SCARB1: variants seen among roughly 807,000 people sequenced by gnomAD.
SCARB1 encodes the protein scavenger receptor class B member 1.
SCARB1 carries 30 observed loss-of-function variants against 57.2 expected under a neutral mutation model. The observed-to-expected ratio is 0.52, with a 90% confidence interval of 0.39 to 0.71. SCARB1 has a LOEUF of 0.71. Among genes scored for constraint, SCARB1 ranks in the 30% least tolerant of loss-of-function variants. The probability of loss-of-function intolerance (pLI) is 0.00; values close to 1 mark genes in which losing one functional copy is unlikely to be tolerated. For synonymous variants in SCARB1, 249 were observed against 268.3 expected (o/e 0.93, Z 0.70); for missense variants, 543 against 671.2 (o/e 0.81, Z 2.11).
At chr12:124,783,077 G>A in intron 11 of SCARB1, 1 of 456,060 alleles carries the variant, frequency 2.2e-6, no homozygotes, top group Non-Finnish European at 4.0e-6. Flanking sequence ...AGCCAGCGAG[G>A]AAGCAAGGTG....
At chr12:124,831,643 G>A (rs75103742) in intron 1 of SCARB1, among the ~76,000 whole-genome samples, 1 of 152,024 alleles carries the variant, frequency 6.6e-6, no homozygotes, top group Non-Finnish European at 1.5e-5. Context: ...CAGCAAAGGG[G>A]CTCTGTCCAC....
rs117345164 is a variant in SCARB1, at chr12:124,779,508, C to T, written c.*1-922G>A. On this transcript the variant is annotated intron_variant, in intron 12 of 12. Coordinates refer to ENST00000261693, the MANE Select transcript of SCARB1 (RefSeq NM_005505.5). ...AGGGGGACGAGGGCCACCCAGGGAA[C>T]GAGTGAAACCAAGGGCATGAGATGC... Among the ~76,000 whole-genome samples, 13 of 152,230 alleles carry T rather than the reference C, an allele frequency of 8.5e-5. No homozygotes were observed. The East Asian group carries it at 1.9e-3, about 23-fold the overall frequency.
chr12:124,861,443 T>C (rs945666806), intron 1 of SCARB1, among the ~76,000 whole-genome samples: 9 of 152,012 alleles, frequency 5.9e-5, no homozygotes, highest in Non-Finnish European at 8.8e-5. Context: ...GAGGGCCAAC[T>C]GTAGGGACTT....
rs188990211 is a variant in SCARB1, at chr12:124,823,602, G to A, written c.127-5895C>T. Among the ~76,000 whole-genome samples, 198 of 152,268 alleles carry A rather than the reference G, an allele frequency of 1.3e-3. 3 individuals carry two copies. The highest frequency in any genetic ancestry group is 7.7e-4 in the East Asian group (4 of 5,186). ...TCAAACGATCAAACGCAAAGTTACC[G>A]TATGACCCTGCAACTCCACTCCCCA... On this transcript the variant is annotated intron_variant, in intron 1 of 12. Coordinates refer to ENST00000261693, the MANE Select transcript of SCARB1 (RefSeq NM_005505.5).
At chr12:124,845,087 G>A (rs1952086927) in intron 1 of SCARB1, among the ~76,000 whole-genome samples, 1 of 152,132 alleles carries the variant, frequency 6.6e-6, no homozygotes, top group Non-Finnish European at 1.5e-5. Flanking sequence ...GATGGGCGCA[G>A]GGGCAGGGCG....
intron 1 of SCARB1, among the ~76,000 whole-genome samples, chr12:124,831,780 T>C (rs781724041): frequency 2.0e-5 from 3 of 152,228 alleles, no homozygotes; most frequent in Non-Finnish European, 4.4e-5. Flanking sequence ...GGACAGGTCA[T>C]GTTGACATAA....
intron 4 of SCARB1, among the ~76,000 whole-genome samples, chr12:124,813,319 G>A (rs1275958367): frequency 6.6e-6 from 1 of 152,184 alleles, no homozygotes; most frequent in African/African-American, 2.4e-5. Flanking sequence ...TGCCTGGAAT[G>A]TGATGTGATT....
chr12:124,863,824 C>G lies in SCARB1; in HGVS notation c.-104G>C. 1 of 1,315,444 alleles carries G rather than the reference C, an allele frequency of 7.6e-7. No homozygotes were observed. The highest frequency in any genetic ancestry group is 9.8e-7 in the Non-Finnish European group (1 of 1,022,760). The allele number at this position is 1,315,444 out of a possible 1,614,324, so 81.5% of individuals were successfully genotyped here. ...CAGGCGGGGACTCCGGGCACGCAGGCCGCAGAGGCACGGTGGATCCGGGAC... is the reference window on the plus strand; with the variant it reads ...CAGGCGGGGACTCCGGGCACGCAGGGCGCAGAGGCACGGTGGATCCGGGAC... On this transcript the variant is annotated 5_prime_UTR_variant, in exon 1 of 13. Coordinates refer to ENST00000261693, the MANE Select transcript of SCARB1 (RefSeq NM_005505.5).
chr12:124,829,832 C>T (rs1168881579), intron 1 of SCARB1, among the ~76,000 whole-genome samples: 1 of 152,192 alleles, frequency 6.6e-6, no homozygotes, highest in Non-Finnish European at 1.5e-5. Context: ...GATGAAAATA[C>T]CATTCTTCCT....
chr12:124,848,790 G>GA (rs1228815338), intron 1 of SCARB1, among the ~76,000 whole-genome samples: 4 of 152,208 alleles, frequency 2.6e-5, no homozygotes, highest in Non-Finnish European at 4.4e-5. Context: ...ATCATCACCA[G>GA]AAAATCCCAG....
chr12:124,791,908 C>T (rs967380248), intron 9 of SCARB1, among the ~76,000 whole-genome samples: 1 of 151,590 alleles, frequency 6.6e-6, no homozygotes, highest in Admixed American at 6.6e-5. Context: ...GAGCCGAAAT[C>T]GCGCCATTGT....
At chr12:124,803,661 C>T in intron 7 of SCARB1, among the ~76,000 whole-genome samples, 1 of 136,056 alleles carries the variant, frequency 7.3e-6, no homozygotes, top group African/African-American at 2.8e-5. Flanking sequence ...AAACTAAGCC[C>T]GGGCAAGACG....
chr12:124,843,202 C>T (rs777315493), intron 1 of SCARB1, among the ~76,000 whole-genome samples: 2 of 151,882 alleles, frequency 1.3e-5, no homozygotes, highest in Non-Finnish European at 2.9e-5. Context: ...AAGAGCTGGG[C>T]ACACCCAGGG....
In SCARB1 at chr12:124,801,796, A is replaced by G. The variant is rs182048245; in HGVS notation, c.1010-1554T>C. Reference sequence around the variant, plus strand: ...AGTTTTCGGAGGTTGCAGTAAGCCAAGATTGCACCAATGCACTCCAGCCTC... The same window carrying G: ...AGTTTTCGGAGGTTGCAGTAAGCCAGGATTGCACCAATGCACTCCAGCCTC... On this transcript the variant is annotated intron_variant, in intron 7 of 12. Transcript: ENST00000261693. 1.9e-4 allele frequency among the ~76,000 whole-genome samples: 29 copies of G among 152,248 alleles called. No individual in the cohort carries two copies. In the East Asian group the frequency reaches 4.2e-3, roughly 22 times the overall value.
chr12:124,843,802 G>A (rs1227020513), intron 1 of SCARB1, among the ~76,000 whole-genome samples: 3 of 152,162 alleles, frequency 2.0e-5, no homozygotes, highest in South Asian at 4.1e-4. Context: ...AAATCTCTGA[G>A]CCTCAGACCC....
chr12:124,825,020 C>G (rs1403576948), intron 1 of SCARB1, among the ~76,000 whole-genome samples: 1 of 151,466 alleles, frequency 6.6e-6, no homozygotes, highest in Non-Finnish European at 1.5e-5. Flanking sequence ...GTCAGGAGAT[C>G]GAGATCATCC....
rs838889 is a variant in SCARB1, at chr12:124,782,540, A to G, written c.*143T>C. 2.2e-3 allele frequency: 1,874 copies of G among 837,876 alleles called. 17 individuals are homozygous for G. In the African/African-American group the frequency reaches 0.025, roughly 11 times the overall value. 51.9% of individuals were successfully genotyped at this position (837,876 alleles called of 1,614,324 possible). Reference sequence around the variant, plus strand: ...GGCAGTTTCTCCAAAAGCAAAATACACAAATATGCATCTTCAGTCTGTAGA... The same window carrying G: ...GGCAGTTTCTCCAAAAGCAAAATACGCAAATATGCATCTTCAGTCTGTAGA... On this transcript the variant is annotated intron_variant, in intron 12 of 12. Transcript: ENST00000261693.
At chr12:124,833,803 G>A (rs563372624) in intron 1 of SCARB1, among the ~76,000 whole-genome samples, 49 of 152,330 alleles carry the variant, frequency 3.2e-4, no homozygotes, top group African/African-American at 8.7e-4. Flanking sequence ...GAAGCTCCAC[G>A]CCCAGGATGC....
chr12:124,863,388 T>C (rs915253148), intron 1 of SCARB1, among the ~76,000 whole-genome samples: 20 of 151,212 alleles, frequency 1.3e-4, no homozygotes, highest in African/African-American at 4.4e-4. Context: ...GGTTCCCCCC[T>C]AGCCTCAGTC....
Sources: gnomAD v4.1 joint callset for allele counts (sites outside exome capture counted in the v4.1 genomes callset) on GRCh38, gnomAD v4.1.1 for gene constraint, MANE v1.5 for transcripts, NCBI Gene and HGNC (gene_info 2026-07-23, HGNC 2026-07-21) for gene names.